Variants in RPAP2 observed in about 807,000 individuals in gnomAD.
The protein encoded by RPAP2 is putative RNA polymerase II subunit B1 CTD phosphatase RPAP2.
A neutral mutation model predicts 73.1 loss-of-function variants in RPAP2; 52 were observed. That is an observed-to-expected ratio of 0.71 (90% CI 0.57 to 0.90). The LOEUF is 0.90. Ranked by LOEUF, RPAP2 falls within the 40% of genes least tolerant of loss-of-function variation. The probability of loss-of-function intolerance (pLI) is 0.00; values close to 1 mark genes in which losing one functional copy is unlikely to be tolerated. For missense variants in RPAP2, 598 were observed against 701.8 expected, an observed-to-expected ratio of 0.85 and a Z score of 1.67; for synonymous variants, 225 against 242.1, an observed-to-expected ratio of 0.93 and a Z score of 0.65.
chr1:92,397,011 TA>T lies in RPAP2; in HGVS notation c.*10003del, dbSNP rs1288248424. On this transcript the variant is annotated 3_prime_UTR_variant, in exon 13 of 13. Coordinates refer to ENST00000610020, the MANE Select transcript of RPAP2 (RefSeq NM_024813.3). ...TTAAAACAGGTAAAGTTTATGTGTA[TA>T]AATTATACCTTAATAAAGCTATTAA... 1 of 152,166 alleles carries T rather than the reference TA, an allele frequency of 6.6e-6. No homozygotes were observed. Among genetic ancestry groups the T allele is most frequent in the Admixed American group, 6.6e-5 (1 of 15,258 alleles). 9.4% of individuals were successfully genotyped at this position (152,166 alleles called of 1,614,324 possible). A position where few individuals can be genotyped will look rare whatever the true frequency, so the allele number is the denominator to read the frequency against.
At chr1:92,386,647 C>T (rs374378355) in intron 12 of RPAP2, among the ~76,000 whole-genome samples, 3 of 152,176 alleles carry the variant, frequency 2.0e-5, no homozygotes, top group African/African-American at 4.8e-5. Context: ...ATTGACAAGA[C>T]ACACAGTGTC....
intron 8 of RPAP2, among the ~76,000 whole-genome samples, chr1:92,326,760 C>G (rs1652656811): frequency 6.6e-6 from 1 of 152,210 alleles, no homozygotes; most frequent in African/African-American, 2.4e-5. Flanking sequence ...AGGCCTCACC[C>G]AGCTCCCATG....
intron 6 of RPAP2, among the ~76,000 whole-genome samples, chr1:92,310,103 G>A (rs1385954273): frequency 6.6e-6 from 1 of 152,172 alleles, no homozygotes; most frequent in Non-Finnish European, 1.5e-5. Context: ...GAAGGAAACA[G>A]TGAATAATCT....
chr1:92,388,379 AAAAAT>A lies in RPAP2; in HGVS notation c.*1373_*1377del, dbSNP rs1655936902. 1 of 152,272 alleles carries A rather than the reference AAAAAT, an allele frequency of 6.6e-6. No homozygotes were observed. Among genetic ancestry groups the A allele is most frequent in the Admixed American group, 6.6e-5 (1 of 15,266 alleles). 9.4% of individuals were successfully genotyped at this position (152,272 alleles called of 1,614,324 possible). ...AACAAAGTGAGACCCTGTCTCCACA[AAAAAT>A]AAAAATAAAAATAAATTGAAGATGG... is the stretch of plus-strand genomic sequence containing the variant. On this transcript the variant is annotated 3_prime_UTR_variant, in exon 13 of 13. Coordinates refer to ENST00000610020, the MANE Select transcript of RPAP2 (RefSeq NM_024813.3).
chr1:92,356,821 G>C (rs531025061), intron 11 of RPAP2, among the ~76,000 whole-genome samples: 4 of 151,850 alleles, frequency 2.6e-5, no homozygotes, highest in African/African-American at 9.6e-5. Flanking sequence ...CCAGCACTTT[G>C]GGAGGCTAAG....
chr1:92,333,184 C>T (rs1653075198), intron 8 of RPAP2: 1 of 504,054 alleles, frequency 2.0e-6, no homozygotes, highest in Non-Finnish European at 3.5e-6. Context: ...AAAACTGACT[C>T]TCCAAAGAGG....
chr1:92,370,455 A>G (rs12088142), intron 11 of RPAP2, among the ~76,000 whole-genome samples: 7,327 of 152,036 alleles, frequency 0.048, 604 homozygotes, highest in African/African-American at 0.17. Context: ...GAGCTTTCGT[A>G]CCCCCCCACC....
chr1:92,360,931 G>C (rs1247713530), intron 11 of RPAP2, among the ~76,000 whole-genome samples: 1 of 151,926 alleles, frequency 6.6e-6, no homozygotes, highest in Non-Finnish European at 1.5e-5. Context: ...TTCTGAGCTT[G>C]AGTTGTACAG....
rs1369873379 is a variant in RPAP2, at chr1:92,303,970, A to C, written c.235-7A>C. 3.8e-6 allele frequency: 6 copies of C among 1,589,338 alleles called. No homozygotes were observed. Among genetic ancestry groups the C allele is most frequent in the Non-Finnish European group, 5.1e-6 (6 of 1,165,382 alleles). On this transcript the variant is annotated splice_region_variant and splice_polypyrimidine_tract_variant and intron_variant, in intron 3 of 12. Transcript: ENST00000610020. The stretch of plus-strand genomic sequence containing the variant: ...TAGGAGGAAATAACCCTCTCATTTC[A>C]TTTTAGGGGAGGTTCATTACACCTG...
At chr1:92,313,086 C>A (rs546651863) in intron 6 of RPAP2, among the ~76,000 whole-genome samples, 1 of 152,298 alleles carries the variant, frequency 6.6e-6, no homozygotes, top group South Asian at 2.1e-4. Flanking sequence ...AGGCTGGTCT[C>A]GAACTCCTGG....
rs534530111 is a variant in RPAP2 at position 92,320,012 on chromosome 1, A to G, written c.489-587A>G. ...AAACTCCATCTCAAAAAAAAAAAAA[A>G]GAAAAAGAAAAAGTTAAACATTTAG... On this transcript the variant is annotated intron_variant, in intron 6 of 12. Transcript: ENST00000610020. Among the ~76,000 whole-genome samples the G allele has an allele frequency of 4.6e-5, 7 of 152,098 alleles. No homozygotes were observed. The South Asian group carries it at 8.3e-4, about 18-fold the overall frequency.
chr1:92,323,237 A>T (rs2101177146), intron 7 of RPAP2, among the ~76,000 whole-genome samples: 1 of 151,776 alleles, frequency 6.6e-6, no homozygotes, highest in Non-Finnish European at 1.5e-5. Context: ...ATATCAAAAA[A>T]TATATTATTA....
At chr1:92,355,345 G>C (rs1022193825) in intron 11 of RPAP2, among the ~76,000 whole-genome samples, 3 of 152,110 alleles carry the variant, frequency 2.0e-5, no homozygotes, top group African/African-American at 7.2e-5. Context: ...CAGTATGAGG[G>C]ATTGGAGTAA....
intron 10 of RPAP2, among the ~76,000 whole-genome samples, chr1:92,344,030 T>C (rs1345164670): frequency 1.3e-5 from 2 of 152,222 alleles, no homozygotes; most frequent in Non-Finnish European, 2.9e-5. Context: ...TACTGTGAAG[T>C]AGATGTGTAT....
intron 11 of RPAP2, among the ~76,000 whole-genome samples, chr1:92,357,773 C>T (rs952366128): frequency 6.6e-6 from 1 of 152,276 alleles, no homozygotes; most frequent in Admixed American, 6.5e-5. Flanking sequence ...CTAAAGTGAT[C>T]TGCCTGCCTT....
At chr1:92,303,485 A>G (rs1463587116) in intron 3 of RPAP2, among the ~76,000 whole-genome samples, 2 of 152,216 alleles carry the variant, frequency 1.3e-5, no homozygotes, top group Non-Finnish European at 2.9e-5. Flanking sequence ...CAGATTTTTC[A>G]GAAGTAGGAA....
rs188622589 is a variant in RPAP2, at chr1:92,354,245, G to A, written c.1688+8331G>A. ...TAAGGGAACTGTTAACCTTAGCATC[G>A]GGGTCTGCCACTATAAGGGTGTGAT... On this transcript the variant is annotated intron_variant, in intron 11 of 12. Transcript: ENST00000610020. Among the ~76,000 whole-genome samples, 313 of 152,164 alleles carry A rather than the reference G, an allele frequency of 2.1e-3. 3 individuals carry two copies. The highest frequency in any genetic ancestry group is 6.8e-3 in the Middle Eastern group (2 of 294).
At chr1:92,332,438 T>C (rs1048183366) in intron 8 of RPAP2, among the ~76,000 whole-genome samples, 37 of 152,300 alleles carry the variant, frequency 2.4e-4, no homozygotes, top group African/African-American at 8.9e-4. Flanking sequence ...TGAGGATTGA[T>C]CTCTGTAGGC....
chr1:92,299,070 C>T lies in RPAP2; in HGVS notation c.-4C>T, dbSNP rs1384552595. Reference sequence around the variant, plus strand: ...TGTCCCCGTCCGGCAGACTACTCTCCCCCATGGCGGACTTCGCTGGGCCGT... The same window carrying T: ...TGTCCCCGTCCGGCAGACTACTCTCTCCCATGGCGGACTTCGCTGGGCCGT... On this transcript the variant is annotated 5_prime_UTR_variant, in exon 1 of 13. Transcript: ENST00000610020. The T allele has an allele frequency of 5.3e-6, 8 of 1,500,934 alleles. No homozygotes were observed. Among genetic ancestry groups the T allele is most frequent in the African/African-American group, 1.4e-5 (1 of 70,608 alleles). The allele number at this position is 1,500,934 out of a possible 1,614,324, so 93.0% of individuals were successfully genotyped here. A position where few individuals can be genotyped will look rare whatever the true frequency, so the allele number is the denominator to read the frequency against.
Sources: allele counts gnomAD v4.1 joint callset (sites outside exome capture counted in the v4.1 genomes callset), GRCh38; gene constraint gnomAD v4.1.1; transcripts MANE v1.5; gene names NCBI Gene and HGNC (gene_info 2026-07-23, HGNC 2026-07-21).